ASIC2: variants seen among roughly 807,000 people sequenced by gnomAD.
ASIC2 encodes acid sensing ion channel subunit 2, also known as acid-sensing ion channel 2.
A neutral mutation model predicts 57.3 loss-of-function variants in ASIC2; 25 were observed. That is an observed-to-expected ratio of 0.44 (90% confidence interval 0.32 to 0.61). The LOEUF is 0.61. ASIC2 is among the 20% of genes least tolerant of loss of function. ASIC2 has a pLI of 0.06. For missense variants in ASIC2, 641 were observed against 738.1 expected, an observed-to-expected ratio of 0.87 and a Z score of 1.52; for synonymous variants, 319 against 307.5, an observed-to-expected ratio of 1.04 and a Z score of -0.39.
chr17:33,351,525 A>G (rs1008230298), intron 1 of ASIC2, among the ~76,000 whole-genome samples: 8 of 152,136 alleles, frequency 5.3e-5, no homozygotes, highest in African/African-American at 1.9e-4. Flanking sequence ...TACAGAGCCC[A>G]CTGGGCACTT....
intron 1 of ASIC2, among the ~76,000 whole-genome samples, chr17:33,897,108 G>C (rs906550622): frequency 6.6e-6 from 1 of 152,180 alleles, no homozygotes; most frequent in Non-Finnish European, 1.5e-5. Flanking sequence ...ATGATAAAGG[G>C]ATATTATCAC....
At chr17:33,916,769 G>A (rs1915594036) in intron 1 of ASIC2, among the ~76,000 whole-genome samples, 1 of 152,188 alleles carries the variant, frequency 6.6e-6, no homozygotes, top group African/African-American at 2.4e-5. Flanking sequence ...CACTAGCAGA[G>A]GAGTGAAAGT....
At chr17:33,427,126 G>A (rs1398894387) in intron 1 of ASIC2, among the ~76,000 whole-genome samples, 1 of 152,176 alleles carries the variant, frequency 6.6e-6, no homozygotes, top group African/African-American at 2.4e-5. Context: ...TGATGCATCA[G>A]CCCATCGATC....
At chr17:33,057,943 G>A (rs967024882) in intron 3 of ASIC2, among the ~76,000 whole-genome samples, 1 of 152,208 alleles carries the variant, frequency 6.6e-6, no homozygotes, top group African/African-American at 2.4e-5. Context: ...TCTGGATGAA[G>A]TTGGGTGTGC....
intron 1 of ASIC2, among the ~76,000 whole-genome samples, chr17:33,304,312 G>A (rs2142197439): frequency 6.6e-6 from 1 of 152,342 alleles, no homozygotes; most frequent in African/African-American, 2.4e-5. Context: ...ATTTAGGCGA[G>A]ACAGGGTTTA....
At chr17:33,233,552 ACACACAT>A in intron 1 of ASIC2, among the ~76,000 whole-genome samples, 1 of 135,284 alleles carries the variant, frequency 7.4e-6, no homozygotes, top group African/African-American at 3.0e-5. Flanking sequence ...ACACACACAC[ACACACAT>A]GGCATAAGCA....
intron 1 of ASIC2, among the ~76,000 whole-genome samples, chr17:33,897,684 C>G (rs941265325): frequency 6.6e-6 from 1 of 152,220 alleles, no homozygotes; most frequent in South Asian, 2.1e-4. Flanking sequence ...ATACTATTCC[C>G]AACAATATTA....
At chr17:33,468,107 G>A (rs1232808696) in intron 1 of ASIC2, among the ~76,000 whole-genome samples, 2 of 152,194 alleles carry the variant, frequency 1.3e-5, no homozygotes, top group Admixed American at 6.5e-5. Context: ...TCTCAAGACT[G>A]AAGACTCAAA....
At chr17:33,383,607 C>T (rs745669050) in intron 1 of ASIC2, among the ~76,000 whole-genome samples, 7 of 152,214 alleles carry the variant, frequency 4.6e-5, no homozygotes, top group African/African-American at 7.2e-5. Flanking sequence ...CTCCATGTCT[C>T]ACTGTCTGGA....
intron 1 of ASIC2, among the ~76,000 whole-genome samples, chr17:33,538,645 G>A (rs950375902): frequency 2.3e-4 from 35 of 152,274 alleles, no homozygotes; most frequent in African/African-American, 8.4e-4. Context: ...TTTCCAAAGG[G>A]GCATCAGCTG....
chr17:33,304,715 G>T (rs1264514348), intron 1 of ASIC2, among the ~76,000 whole-genome samples: 1 of 152,150 alleles, frequency 6.6e-6, no homozygotes, highest in East Asian at 1.9e-4. Context: ...CCAGCAATGA[G>T]TCACATGGTA....
intron 3 of ASIC2, among the ~76,000 whole-genome samples, chr17:33,070,160 C>T (rs1224621056): frequency 1.3e-5 from 2 of 152,040 alleles, no homozygotes; most frequent in Non-Finnish European, 2.9e-5. Flanking sequence ...CCATTTTTTC[C>T]ATCTTGTCCT....
intron 1 of ASIC2, among the ~76,000 whole-genome samples, chr17:33,281,652 G>A (rs947604494): frequency 1.3e-5 from 2 of 152,250 alleles, no homozygotes; most frequent in Admixed American, 6.5e-5. Context: ...CCTCATGACT[G>A]CAAATGTGCA....
chr17:33,060,994 T>G (rs1362379792), intron 3 of ASIC2, among the ~76,000 whole-genome samples: 1 of 152,224 alleles, frequency 6.6e-6, no homozygotes, highest in Non-Finnish European at 1.5e-5. Flanking sequence ...ATGCTTGTAA[T>G]TTTTGCATAT....
At chr17:33,616,688 G>T (rs1185504676) in intron 1 of ASIC2, among the ~76,000 whole-genome samples, 1 of 152,194 alleles carries the variant, frequency 6.6e-6, no homozygotes, top group Non-Finnish European at 1.5e-5. Context: ...AAACTCAGGG[G>T]CTAGAAGCCT....
chr17:33,754,507 C>T (rs372499199), intron 1 of ASIC2, among the ~76,000 whole-genome samples: 2 of 152,146 alleles, frequency 1.3e-5, no homozygotes, highest in African/African-American at 4.8e-5. Context: ...ATGCATCTCT[C>T]TCCCTGGGTA....
At chr17:33,251,406 T>A (rs1210626469) in intron 1 of ASIC2, among the ~76,000 whole-genome samples, 4 of 152,314 alleles carry the variant, frequency 2.6e-5, no homozygotes, top group Non-Finnish European at 5.9e-5. Flanking sequence ...CATAGCTCAC[T>A]GCAACCTCGA....
intron 1 of ASIC2, among the ~76,000 whole-genome samples, chr17:33,869,824 G>T (rs1357928300): frequency 6.6e-6 from 1 of 152,194 alleles, no homozygotes; most frequent in Non-Finnish European, 1.5e-5. Flanking sequence ...TGTGATAATA[G>T]TTGCACAACT....
chr17:33,633,949 T>G (rs1181292567), intron 1 of ASIC2, among the ~76,000 whole-genome samples: 5 of 152,204 alleles, frequency 3.3e-5, no homozygotes, highest in African/African-American at 7.2e-5. Context: ...ATTTCCTGCC[T>G]TATTCTTTGT....
Sources: gnomAD v4.1 joint callset for allele counts (sites outside exome capture counted in the v4.1 genomes callset) on GRCh38, gnomAD v4.1.1 for gene constraint, MANE v1.5 for transcripts, NCBI Gene and HGNC (gene_info 2026-07-23, HGNC 2026-07-21) for gene names.